Variants in TENM1 observed in about 807,000 individuals in gnomAD.
TENM1 encodes teneurin transmembrane protein 1.
A neutral mutation model predicts 174.8 loss-of-function variants in TENM1; 35 were observed. That is an observed-to-expected ratio of 0.20 (90% confidence interval 0.15 to 0.27). The LOEUF (loss-of-function observed/expected upper bound fraction) is 0.27. TENM1 is among the 10% of genes least tolerant of loss of function. TENM1 has a pLI of 1.00. For missense variants in TENM1, 1,633 were observed against 2,130.1 expected, an observed-to-expected ratio of 0.77 and a Z score of 4.59; for synonymous variants, 781 against 798.7, an observed-to-expected ratio of 0.98 and a Z score of 0.37.
chrX:124,815,906 T>C (rs2055885809), intron 3 of TENM1, among the ~76,000 whole-genome samples: 1 of 111,561 alleles, frequency 9.0e-6, no homozygotes. Context: ...TGAAAAATGG[T>C]ATTTGTTTCC....
chrX:125,094,925 T>A, the TENM1 span, among the ~76,000 whole-genome samples: 1 of 112,354 alleles, frequency 8.9e-6, no homozygotes, highest in Non-Finnish European at 1.9e-5. Context: ...AGCTTAAGAA[T>A]CACTTATCCA....
At chrX:124,612,422 T>C (rs937516552) in intron 11 of TENM1, among the ~76,000 whole-genome samples, 46 of 111,431 alleles carry the variant, frequency 4.1e-4, no homozygotes, top group African/African-American at 1.4e-3. Context: ...TTGGGTAGAA[T>C]AAAAATGTTG....
intron 28 of TENM1, among the ~76,000 whole-genome samples, chrX:124,389,034 CAT>C (rs1420943767): frequency 8.9e-6 from 1 of 112,121 alleles, no homozygotes; most frequent in African/African-American, 3.2e-5. Flanking sequence ...AGAGAAGTCT[CAT>C]AAATCAAGAC....
At position 124,381,766 on chromosome X, in the gene TENM1, C is replaced by T. The variant is rs369944894; in HGVS notation, c.7441-472G>A. 1.8e-3 allele frequency among the ~76,000 whole-genome samples: 205 copies of T among 111,155 alleles called. 2 individuals carry two copies. Among genetic ancestry groups the T allele is most frequent in the African/African-American group, 6.2e-3 (189 of 30,675 alleles). Reference sequence around the variant, plus strand: ...GCAAATCAGCCAGAAATTCATTGATCTTTTTATGTGGACTTAAAAAAAACC... The same window carrying T: ...GCAAATCAGCCAGAAATTCATTGATTTTTTTATGTGGACTTAAAAAAAACC... On this transcript the variant is annotated intron_variant, in intron 31 of 31. Coordinates refer to ENST00000422452, the Ensembl canonical transcript of TENM1.
chrX:125,105,673 G>A, the TENM1 span, among the ~76,000 whole-genome samples: 3 of 111,710 alleles, frequency 2.7e-5, no homozygotes, highest in Non-Finnish European at 3.8e-5. Flanking sequence ...GGCAGGGAGA[G>A]GTGAAGTCAG....
At chrX:124,565,168 A>G (rs927987415) in intron 12 of TENM1, among the ~76,000 whole-genome samples, 9 of 112,229 alleles carry the variant, frequency 8.0e-5, no homozygotes. Context: ...AAGTAATAAG[A>G]AAGGAAATAA....
intron 6 of TENM1, 38 bp downstream of exon 9, chrX:124,671,645 G>A: frequency 2.6e-6 from 3 of 1,175,138 alleles, no homozygotes; most frequent in Non-Finnish European, 3.4e-6. Flanking sequence ...CAAATTAGAA[G>A]AAAAGTAATC....
intron 1 of TENM1, among the ~76,000 whole-genome samples, chrX:124,901,915 A>G (rs904179198): frequency 2.7e-5 from 3 of 112,044 alleles, no homozygotes; most frequent in African/African-American, 6.5e-5. Context: ...TAACTTTTAA[A>G]GAGTATAGCC....
At chrX:124,735,870 A>G (rs1412451284) in intron 4 of TENM1, among the ~76,000 whole-genome samples, 2 of 111,835 alleles carry the variant, frequency 1.8e-5, no homozygotes, top group Non-Finnish European at 3.8e-5. Flanking sequence ...TATAACTGGG[A>G]GTTAAACAAT....
chrX:125,124,618 C>G, the TENM1 span, among the ~76,000 whole-genome samples: 1 of 112,299 alleles, frequency 8.9e-6, no homozygotes, highest in Non-Finnish European at 1.9e-5. Context: ...CATGCCAAGT[C>G]ATATGTGTTT....
At chrX:125,174,275 G>A in the TENM1 span, among the ~76,000 whole-genome samples, 1 of 111,724 alleles carries the variant, frequency 9.0e-6, no homozygotes, top group Non-Finnish European at 1.9e-5. Context: ...ATAAGAAATA[G>A]CAGTTAGAGT....
chrX:124,627,859 G>T (rs558147693), intron 11 of TENM1, among the ~76,000 whole-genome samples: 1 of 111,289 alleles, frequency 9.0e-6, no homozygotes. Flanking sequence ...GCATATGCTG[G>T]CTTCCTTCTT....
At chrX:124,928,788 C>G (rs1238582067) in intron 1 of TENM1, among the ~76,000 whole-genome samples, 2 of 111,603 alleles carry the variant, frequency 1.8e-5, no homozygotes, top group African/African-American at 6.5e-5. Context: ...CCTCTCCAAC[C>G]TGTCCAGTAA....
the TENM1 span, among the ~76,000 whole-genome samples, chrX:125,036,927 CT>C: frequency 9.0e-6 from 1 of 111,590 alleles, no homozygotes. Flanking sequence ...AAAGGAAGAG[CT>C]TAAACATCAT....
the TENM1 span, among the ~76,000 whole-genome samples, chrX:125,092,507 A>T: frequency 8.9e-6 from 1 of 111,956 alleles, no homozygotes; most frequent in African/African-American, 3.2e-5. Flanking sequence ...AGTCATATGA[A>T]AAACAATGCA....
At chrX:124,822,071 A>G (rs2147297402) in intron 3 of TENM1, among the ~76,000 whole-genome samples, 1 of 112,697 alleles carries the variant, frequency 8.9e-6, no homozygotes, top group East Asian at 2.8e-4. Context: ...GCTCAGCCAG[A>G]GAACACACTT....
chrX:125,072,115 AT>A, the TENM1 span, among the ~76,000 whole-genome samples: 2 of 110,431 alleles, frequency 1.8e-5, no homozygotes, highest in Middle Eastern at 4.7e-3. Context: ...CAGTCCTGTG[AT>A]TTTTTTTCTT....
At chrX:124,899,320 T>C in intron 1 of TENM1, among the ~76,000 whole-genome samples, 1 of 111,475 alleles carries the variant, frequency 9.0e-6, no homozygotes, top group Middle Eastern at 4.6e-3. Flanking sequence ...GCCTCCTGAG[T>C]AGCTGGGATT....
At chrX:125,100,169 T>C in the TENM1 span, among the ~76,000 whole-genome samples, 1 of 111,909 alleles carries the variant, frequency 8.9e-6, no homozygotes, top group African/African-American at 3.2e-5. Context: ...TGTATGTATA[T>C]CTAGATTTCA....
Sources: allele counts gnomAD v4.1 joint callset (sites outside exome capture counted in the v4.1 genomes callset), GRCh38; gene constraint gnomAD v4.1.1; transcripts MANE v1.5; gene names NCBI Gene and HGNC (gene_info 2026-07-23, HGNC 2026-07-21).